SHC4: variants seen among roughly 807,000 people sequenced by gnomAD.
The protein encoded by SHC4 is SHC-transforming protein 4.
SHC4 carries 41 observed loss-of-function variants against 69.4 expected under a neutral mutation model. The ratio of observed to expected loss-of-function variants is 0.59; its 90% confidence interval spans 0.46 to 0.77. SHC4 has a LOEUF of 0.77. SHC4 is among the 30% of genes least tolerant of loss of function. The probability of loss-of-function intolerance (pLI) is 0.00; values close to 1 mark genes in which losing one functional copy is unlikely to be tolerated. For missense variants in SHC4, 777 were observed against 783.8 expected, an observed-to-expected ratio of 0.99 and a Z score of 0.10; for synonymous variants, 318 against 299.3, an observed-to-expected ratio of 1.06 and a Z score of -0.64.
chr15:48,899,044 GA>G (rs765788629), intron 2 of SHC4, among the ~76,000 whole-genome samples: 1,278 of 87,846 alleles, frequency 0.015, 9 homozygotes, highest in African/African-American at 0.041. Flanking sequence ...AGCTCATTTA[GA>G]AAAAAAAAAA....
In SHC4 at chr15:48,825,837, T is replaced by C. The variant is rs1898677819; in HGVS notation, c.*134A>G. ...GTTCTTCATTTTATAGAGGACCTGG[T>C]CCATGATGGTCTTGGAAAGATGCAC... On this transcript the variant is annotated 3_prime_UTR_variant, in exon 12 of 12. Transcript: ENST00000332408. The C allele has an allele frequency of 9.4e-7, 1 of 1,063,258 alleles. No individual in the cohort carries two copies. The highest frequency in any genetic ancestry group is 2.5e-5 in the East Asian group (1 of 40,356). The allele number at this position is 1,063,258 out of a possible 1,614,324, so 65.9% of individuals were successfully genotyped here.
chr15:48,836,284 T>C (rs1390314192), intron 10 of SHC4, among the ~76,000 whole-genome samples: 2 of 152,302 alleles, frequency 1.3e-5, no homozygotes, highest in East Asian at 3.9e-4. Context: ...CTCCAAAGCC[T>C]AGATTCTTAA....
chr15:48,921,501 A>G (rs920915801), intron 2 of SHC4, among the ~76,000 whole-genome samples: 6 of 151,960 alleles, frequency 3.9e-5, no homozygotes, highest in Non-Finnish European at 8.8e-5. Flanking sequence ...TGCCTGGCTA[A>G]TTTTGTATTT....
intron 2 of SHC4, among the ~76,000 whole-genome samples, chr15:48,912,327 A>T (rs1207158352): frequency 6.6e-6 from 1 of 152,106 alleles, no homozygotes; most frequent in Non-Finnish European, 1.5e-5. Context: ...TAATTAGAAG[A>T]CCTTGTCTTC....
chr15:48,895,569 CT>C (rs1900208385), intron 2 of SHC4, among the ~76,000 whole-genome samples: 1 of 152,154 alleles, frequency 6.6e-6, no homozygotes, highest in Admixed American at 6.5e-5. Flanking sequence ...CCCCAGCCCT[CT>C]GCTGTCTATG....
chr15:48,850,673 A>G (rs1472826079), intron 9 of SHC4, among the ~76,000 whole-genome samples: 1 of 152,262 alleles, frequency 6.6e-6, no homozygotes, highest in Non-Finnish European at 1.5e-5. Flanking sequence ...GTTTTGTCCA[A>G]CATCAATGAT....
Position 48,884,513 on chromosome 15 carries a change from GTT to G in SHC4, c.721-148_721-147del, listed in dbSNP as rs1899999135. The G allele has an allele frequency of 4.4e-6, 3 of 684,482 alleles. No homozygotes were observed. In the East Asian group the frequency reaches 1.0e-4, roughly 24 times the overall value. 42.4% of individuals were successfully genotyped at this position (684,482 alleles called of 1,614,324 possible). A position where few individuals can be genotyped will look rare whatever the true frequency, so the allele number is the denominator to read the frequency against. ...TATGTAAATCAAATGAAAGGGAATG[GTT>G]TTTATTAAATAAACTTTTTTTTAAA... On this transcript the variant is annotated intron_variant, in intron 3 of 11. Coordinates refer to ENST00000332408, the MANE Select transcript of SHC4 (RefSeq NM_203349.4).
intron 1 of SHC4, among the ~76,000 whole-genome samples, chr15:48,931,451 G>A (rs1047029002): frequency 4.3e-4 from 65 of 151,978 alleles, no homozygotes; most frequent in African/African-American, 1.5e-3. Flanking sequence ...TTACATTTCT[G>A]ATCTAAACCA....
chr15:48,907,201 T>G (rs1900420058), intron 2 of SHC4, among the ~76,000 whole-genome samples: 2 of 151,748 alleles, frequency 1.3e-5, no homozygotes, highest in South Asian at 4.2e-4. Flanking sequence ...CATGGTGATG[T>G]GTGATTTCTT....
intron 4 of SHC4, among the ~76,000 whole-genome samples, chr15:48,876,197 A>G (rs375007846): frequency 1.3e-5 from 2 of 152,178 alleles, no homozygotes; most frequent in Non-Finnish European, 2.9e-5. Context: ...GACGAACAAC[A>G]ACTGTGTTCA....
chr15:48,853,932 C>T (rs748936256), intron 8 of SHC4, among the ~76,000 whole-genome samples: 8 of 151,916 alleles, frequency 5.3e-5, no homozygotes, highest in Non-Finnish European at 1.2e-4. Context: ...GAATTTGTGA[C>T]TACATCCTCA....
chr15:48,944,880 G>C (rs980883733), intron 1 of SHC4, among the ~76,000 whole-genome samples: 7 of 152,126 alleles, frequency 4.6e-5, no homozygotes, highest in African/African-American at 1.7e-4. Flanking sequence ...TGAAAGTAGA[G>C]TCTTTATACA....
intron 6 of SHC4, among the ~76,000 whole-genome samples, chr15:48,859,881 A>T (rs1899407314): frequency 6.6e-6 from 1 of 152,158 alleles, no homozygotes; most frequent in Non-Finnish European, 1.5e-5. Context: ...GCTGTGTTAC[A>T]TTATAAGAAA....
At chr15:48,840,993 C>T (rs2140971688) in intron 10 of SHC4, among the ~76,000 whole-genome samples, 1 of 152,308 alleles carries the variant, frequency 6.6e-6, no homozygotes, top group South Asian at 2.1e-4. Flanking sequence ...ACTTTATTTA[C>T]TTTCAATGAA....
intron 11 of SHC4, among the ~76,000 whole-genome samples, chr15:48,829,359 T>C (rs1346653820): frequency 6.6e-6 from 1 of 152,204 alleles, no homozygotes. Flanking sequence ...ATTGTTTTGC[T>C]GTCTATTTCC....
intron 10 of SHC4, among the ~76,000 whole-genome samples, chr15:48,840,754 T>G (rs551318519): frequency 2.2e-4 from 34 of 152,152 alleles, no homozygotes; most frequent in African/African-American, 7.5e-4. Context: ...GGTTTTGGAG[T>G]TGGATTTATT....
Position 48,867,872 on chromosome 15 carries a change from A to G in SHC4, c.895-3T>C, listed in dbSNP as rs769896394. ...TAGGCAACATAGTCTGTAGTATCCT[A>G]TAAAAAAGGGAAAATGACTGTATTT... On this transcript the variant is annotated splice_region_variant and splice_polypyrimidine_tract_variant and intron_variant, in intron 5 of 11. Coordinates refer to ENST00000332408, the MANE Select transcript of SHC4 (RefSeq NM_203349.4). 1.2e-6 allele frequency: 2 copies of G among 1,611,208 alleles called. No homozygotes were observed. The highest frequency in any genetic ancestry group is 1.3e-5 in the African/African-American group (1 of 74,964).
At chr15:48,877,274 A>G in intron 4 of SHC4, 1 of 387,618 alleles carries the variant, frequency 2.6e-6, no homozygotes, top group Non-Finnish European at 3.6e-6. Flanking sequence ...AGTTGCAGGA[A>G]AACAAGCTCA....
At chr15:48,878,787 C>T in intron 4 of SHC4, 1 of 1,531,368 alleles carries the variant, frequency 6.5e-7, no homozygotes, top group South Asian at 1.2e-5. Flanking sequence ...AGGGACCCAA[C>T]TTTCCGCTAT....
Sources: gnomAD v4.1 joint callset for allele counts (sites outside exome capture counted in the v4.1 genomes callset) on GRCh38, gnomAD v4.1.1 for gene constraint, MANE v1.5 for transcripts, NCBI Gene and HGNC (gene_info 2026-07-23, HGNC 2026-07-21) for gene names.